The following L3MBTL3 variants were observed in gnomAD, a reference collection of about 807,000 sequenced individuals.
L3MBTL3 encodes lethal(3)malignant brain tumor-like protein 3.
A neutral mutation model predicts 102.3 loss-of-function variants in L3MBTL3; 27 were observed. The ratio of observed to expected loss-of-function variants is 0.26; its 90% CI spans 0.19 to 0.36. The LOEUF (loss-of-function observed/expected upper bound fraction) is 0.36, where lower values mean the gene tolerates loss of function less well. Ranked by LOEUF, L3MBTL3 falls within the 10% of genes least tolerant of loss-of-function variation. The pLI is 1.00. For synonymous variants in L3MBTL3, 340 were observed against 320.9 expected (o/e 1.06, Z -0.64); for missense variants, 798 against 955.3 (o/e 0.84, Z 2.17).
chr6:130,058,326 G>A (rs991252526), intron 9 of L3MBTL3, among the ~76,000 whole-genome samples: 2 of 152,028 alleles, frequency 1.3e-5, no homozygotes, highest in African/African-American at 4.8e-5. Context: ...AGCAGTTGAT[G>A]TCCCTGGACT....
chr6:130,073,168 G>A (rs530657992), intron 13 of L3MBTL3, among the ~76,000 whole-genome samples: 98 of 152,260 alleles, frequency 6.4e-4, no homozygotes, highest in African/African-American at 2.1e-3. Flanking sequence ...AGTAATTTAG[G>A]AGGCCAAGGT....
At chr6:130,119,903 A>G (rs1436589299) in intron 19 of L3MBTL3, among the ~76,000 whole-genome samples, 3 of 152,224 alleles carry the variant, frequency 2.0e-5, no homozygotes, top group East Asian at 3.8e-4. Flanking sequence ...TGGAGACTCA[A>G]TTAGTGCCTT....
chr6:130,079,870 A>G (rs1783203413), intron 14 of L3MBTL3, among the ~76,000 whole-genome samples: 1 of 152,170 alleles, frequency 6.6e-6, no homozygotes, highest in Non-Finnish European at 1.5e-5. Context: ...GAGTTTTCTC[A>G]TATAATAAAG....
chr6:130,134,765 T>C (rs2114446849), intron 22 of L3MBTL3, among the ~76,000 whole-genome samples: 1 of 152,312 alleles, frequency 6.6e-6, no homozygotes, highest in Non-Finnish European at 1.5e-5. Context: ...TTTGCCCCTA[T>C]GTGTAAAGCT....
chr6:130,111,511 C>T (rs1002643144), intron 19 of L3MBTL3, among the ~76,000 whole-genome samples: 4 of 152,196 alleles, frequency 2.6e-5, no homozygotes, highest in Non-Finnish European at 5.9e-5. Flanking sequence ...GTGGCATCAA[C>T]CCAATGCCTA....
intron 8 of L3MBTL3, 146 bp downstream of exon 8, chr6:130,055,401 G>A: frequency 1.6e-6 from 1 of 623,160 alleles, no homozygotes; most frequent in South Asian, 2.1e-5. Flanking sequence ...GAGATTTTGA[G>A]GATAAGGAAA....
Position 130,049,791 on chromosome 6 carries a change from C to T in L3MBTL3, c.250C>T (p.Pro84Ser). The change falls in exon 5 of 23, where the codon CCA becomes TCA. Residue 84 changes from proline (P) to serine (S), a missense_variant. Transcript: ENST00000361794. ...TSPPSSRPVF[P>S]PAYWTSPPGC... ...TCCCCCGAGCTCCAGGCCCGTATTTCCACCTGCCTACTGGACATCTCCACC... is the reference window on the plus strand; with the variant it reads ...TCCCCCGAGCTCCAGGCCCGTATTTTCACCTGCCTACTGGACATCTCCACC... 6.2e-7 allele frequency: 1 copy of T among 1,614,054 alleles called. No individual in the cohort carries two copies. The highest frequency in any genetic ancestry group is 8.5e-7 in the Non-Finnish European group (1 of 1,179,948).
chr6:130,076,330 G>T (rs1415286267), intron 13 of L3MBTL3, among the ~76,000 whole-genome samples: 1 of 152,136 alleles, frequency 6.6e-6, no homozygotes, highest in Admixed American at 6.6e-5. Flanking sequence ...TTAGCTTTTG[G>T]CTGTGACTGA....
chr6:130,136,787 T>A (rs1282399854), intron 22 of L3MBTL3, among the ~76,000 whole-genome samples: 2 of 152,086 alleles, frequency 1.3e-5, no homozygotes, highest in Non-Finnish European at 2.9e-5. Context: ...CCGGCTAATT[T>A]TTGTATTTTT....
Position 130,139,756 on chromosome 6 carries a change from A to G in L3MBTL3, c.*3A>G. 2.5e-6 allele frequency: 4 copies of G among 1,612,430 alleles called. No homozygotes were observed. Among genetic ancestry groups the G allele is most frequent in the South Asian group, 1.1e-5 (1 of 91,008 alleles). On this transcript the variant is annotated 3_prime_UTR_variant, in exon 23 of 23. Transcript: ENST00000361794. ...AGAATTCTCACAATGAACTTTGAAG[A>G]TGGTGAATTCTGAATACCATCAGCA...
intron 15 of L3MBTL3, among the ~76,000 whole-genome samples, chr6:130,084,014 G>GTTC (rs1562296429): frequency 5.9e-5 from 9 of 152,044 alleles, no homozygotes; most frequent in Admixed American, 3.9e-4. Flanking sequence ...TTAGCTAGAT[G>GTTC]TTCTAAAAGA....
intron 16 of L3MBTL3, 48 bp from the exon 17 acceptor site, chr6:130,092,697 G>C: frequency 8.4e-7 from 1 of 1,185,774 alleles, no homozygotes. Context: ...TTGACTGTAG[G>C]AACTTTTATG....
At chr6:130,046,800 C>T (rs1272000422) in intron 3 of L3MBTL3, among the ~76,000 whole-genome samples, 1 of 152,148 alleles carries the variant, frequency 6.6e-6, no homozygotes, top group Non-Finnish European at 1.5e-5. Context: ...CATTCCAAAA[C>T]CATTTGTAAA....
chr6:130,133,902 T>A lies in L3MBTL3; in HGVS notation c.2196T>A (p.Asp732Glu). 6.2e-7 allele frequency: 1 copy of A among 1,609,918 alleles called. No homozygotes were observed. Among genetic ancestry groups the A allele is most frequent in the Non-Finnish European group, 8.5e-7 (1 of 1,176,336 alleles). Residue 732 changes from aspartate to glutamate, a missense_variant, in exon 22 of 23, where the codon GAT (aspartate) becomes GAA (glutamate). Physicochemically the swap from Asp to Glu is conservative, Grantham distance 45. This residue lies in a region of L3MBTL3 where 48 missense variants were observed against 107.0 expected (regional missense o/e 0.45). Coordinates refer to ENST00000361794, the MANE Select transcript of L3MBTL3 (RefSeq NM_032438.4). This position sits in a 1 kb window ranked among gnomAD's most constrained non-coding sequence, Gnocchi z 4.9. ...AAGAACATGGAAAGGTATTTAAAGA[T>A]GAAGTAAGTATTCCACTAAATTGCA... Reference protein sequence around the residue: ...GCEEHGKVFKDEQIDGEAFLL... With the variant: ...GCEEHGKVFKEEQIDGEAFLL...
chr6:130,084,608 A>G (rs1298498560), intron 15 of L3MBTL3, among the ~76,000 whole-genome samples: 1 of 152,196 alleles, frequency 6.6e-6, no homozygotes, highest in East Asian at 1.9e-4. Context: ...GAGTTATGCC[A>G]TATTTGTGAA....
chr6:130,049,699 C>T (rs762130507), intron 4 of L3MBTL3, 57 bp from the exon 5 acceptor site: 1 of 1,609,510 alleles, frequency 6.2e-7, no homozygotes, highest in Non-Finnish European at 8.5e-7. Context: ...TTCTCATCTA[C>T]TCCGATGGTT....
At chr6:130,086,888 G>T (rs1311285378) in intron 16 of L3MBTL3, among the ~76,000 whole-genome samples, 8 of 152,142 alleles carry the variant, frequency 5.3e-5, no homozygotes, top group Admixed American at 5.2e-4. Context: ...TCATAAAATT[G>T]TTTGGAATTT....
chr6:130,077,843 A>G (rs1241086949), intron 13 of L3MBTL3, among the ~76,000 whole-genome samples: 1 of 152,096 alleles, frequency 6.6e-6, no homozygotes, highest in Middle Eastern at 3.2e-3. Flanking sequence ...CATCTTTTAG[A>G]CCAACATTTT....
At chr6:130,123,598 A>G (rs1450848335) in intron 20 of L3MBTL3, among the ~76,000 whole-genome samples, 3 of 152,206 alleles carry the variant, frequency 2.0e-5, no homozygotes, top group Non-Finnish European at 1.5e-5. Flanking sequence ...TTTGAATAAG[A>G]TTGTAACATA....
Sources: allele counts gnomAD v4.1 joint callset (sites outside exome capture counted in the v4.1 genomes callset), GRCh38; gene constraint gnomAD v4.1.1; regional missense constraint gnomAD v4.1.1; non-coding constraint Gnocchi (gnomAD v3.1); transcripts MANE v1.5; gene names NCBI Gene and HGNC (gene_info 2026-07-23, HGNC 2026-07-21).